Variants in ULK4 observed in about 807,000 individuals in gnomAD.
ULK4 encodes the protein unc-51 like kinase 4.
Under a neutral mutation model 160.6 loss-of-function variants are expected in ULK4, and 133 were observed. The observed-to-expected ratio is 0.83, with a 90% CI of 0.72 to 0.96. The LOEUF is 0.96. ULK4 is among the 40% of genes least tolerant of loss of function. The probability of loss-of-function intolerance (pLI) is 0.00; values close to 1 mark genes in which losing one functional copy is unlikely to be tolerated. For synonymous variants in ULK4, 534 were observed against 539.8 expected (o/e 0.99, Z 0.15); for missense variants, 1,580 against 1,499.5 (o/e 1.05, Z -0.89).
In ULK4 at chr3:41,946,070, T is replaced by C. The variant is rs997236764; in HGVS notation, c.139-7873A>G. 2.1e-4 allele frequency among the ~76,000 whole-genome samples: 32 copies of C among 152,294 alleles called. No individual in the cohort carries two copies. The East Asian group carries it at 6.0e-3, about 28-fold the overall frequency. On this transcript the variant is annotated intron_variant, in intron 2 of 36. Coordinates refer to ENST00000301831, the MANE Select transcript of ULK4 (RefSeq NM_017886.4). ...GGAAGGGCATCTAAACTACTGCTCATGTTATTTCTTGATTGTGTGCTGGTT... is the reference window on the plus strand; with the variant it reads ...GGAAGGGCATCTAAACTACTGCTCACGTTATTTCTTGATTGTGTGCTGGTT...
chr3:41,546,767 TAAA>T (rs1158675738), intron 32 of ULK4, among the ~76,000 whole-genome samples: 5 of 32,534 alleles, frequency 1.5e-4, no homozygotes, highest in Admixed American at 8.4e-4. Context: ...CCTAGGCCCT[TAAA>T]AAAAAAAAAA....
Position 41,580,065 on chromosome 3 carries a change from C to T in ULK4, c.3121-13935G>A, listed in dbSNP as rs527261752. Reference sequence around the variant, plus strand: ...CACCCACTCAAAGTACACAGAGTAACGGTGTCACAGCCTCTTTTGCATGTG... The same window carrying T: ...CACCCACTCAAAGTACACAGAGTAATGGTGTCACAGCCTCTTTTGCATGTG... On this transcript the variant is annotated intron_variant, in intron 31 of 36. Transcript: ENST00000301831. Among the ~76,000 whole-genome samples, 6 of 152,158 alleles carry T rather than the reference C, an allele frequency of 3.9e-5. No individual in the cohort carries two copies. In the East Asian group the frequency reaches 7.7e-4, roughly 20 times the overall value.
intron 17 of ULK4, among the ~76,000 whole-genome samples, chr3:41,875,043 G>A (rs1697249079): frequency 6.6e-6 from 1 of 152,110 alleles, no homozygotes; most frequent in African/African-American, 2.4e-5. Flanking sequence ...AGTCAGGCAT[G>A]GTGATGTGTA....
chr3:41,705,559 C>T (rs967579619), intron 25 of ULK4, among the ~76,000 whole-genome samples: 3 of 151,892 alleles, frequency 2.0e-5, no homozygotes, highest in Non-Finnish European at 2.9e-5. Flanking sequence ...TGCAGTGGCC[C>T]GATCTCGGCT....
intron 20 of ULK4, among the ~76,000 whole-genome samples, chr3:41,794,882 T>C (rs2040259278): frequency 6.6e-6 from 1 of 151,326 alleles, no homozygotes; most frequent in Admixed American, 6.6e-5. Flanking sequence ...GGAGGAAAGG[T>C]CCTGAGGCAG....
chr3:41,892,052 T>C (rs1044219539), intron 16 of ULK4, among the ~76,000 whole-genome samples: 7 of 152,210 alleles, frequency 4.6e-5, no homozygotes, highest in African/African-American at 4.8e-5. Context: ...AAAACTCTTA[T>C]TTGAAAAATA....
intron 30 of ULK4, among the ~76,000 whole-genome samples, chr3:41,622,252 A>G (rs962695070): frequency 1.3e-5 from 2 of 151,498 alleles, no homozygotes; most frequent in Non-Finnish European, 3.0e-5. Flanking sequence ...CCATTTGGGT[A>G]TATACCCAAA....
In ULK4 at chr3:41,259,120, A is replaced by G. The variant is rs569376802; in HGVS notation, c.3679-9546T>C. 3.2e-3 allele frequency among the ~76,000 whole-genome samples: 482 copies of G among 150,344 alleles called. 3 individuals are homozygous for G. The highest frequency in any genetic ancestry group is 0.011 in the African/African-American group (451 of 41,004). On this transcript the variant is annotated intron_variant, in intron 35 of 36. Transcript: ENST00000301831. ...TATATGTATATGTATATATGTGTAT[A>G]TATATATATATAAAATCAGATAACA...
chr3:41,668,654 T>C (rs1011260034), intron 29 of ULK4, among the ~76,000 whole-genome samples: 2 of 152,112 alleles, frequency 1.3e-5, no homozygotes, highest in South Asian at 2.1e-4. Context: ...CACATGACTA[T>C]AAATCAAAAG....
intron 32 of ULK4, among the ~76,000 whole-genome samples, chr3:41,553,624 T>C (rs572784825): frequency 1.3e-5 from 2 of 152,150 alleles, no homozygotes; most frequent in South Asian, 4.1e-4. Context: ...AAGAGGGAAC[T>C]CTTATACACT....
At chr3:41,884,897 TAA>T (rs1697666044) in intron 16 of ULK4, among the ~76,000 whole-genome samples, 1 of 152,198 alleles carries the variant, frequency 6.6e-6, no homozygotes, top group Admixed American at 6.5e-5. Flanking sequence ...CACCTGTGAA[TAA>T]AAAGATTATA....
At chr3:41,364,668 TAGAA>T (rs1458233571) in intron 35 of ULK4, among the ~76,000 whole-genome samples, 3 of 152,082 alleles carry the variant, frequency 2.0e-5, no homozygotes, top group African/African-American at 4.8e-5. Context: ...ATTAAAGAAA[TAGAA>T]AGATTTTCCC....
intron 30 of ULK4, among the ~76,000 whole-genome samples, chr3:41,621,893 CA>C (rs1292854871): frequency 6.6e-6 from 1 of 152,008 alleles, no homozygotes; most frequent in African/African-American, 2.4e-5. Context: ...CCAGAATCTA[CA>C]AAGAACTTAA....
chr3:41,691,487 C>T (rs976771405), intron 27 of ULK4, among the ~76,000 whole-genome samples: 6 of 151,800 alleles, frequency 4.0e-5, no homozygotes, highest in Admixed American at 3.3e-4. Context: ...CCTATGCCCC[C>T]GAGTCAAATT....
At chr3:41,596,268 C>A (rs1053672167) in intron 31 of ULK4, among the ~76,000 whole-genome samples, 4 of 152,170 alleles carry the variant, frequency 2.6e-5, no homozygotes, top group African/African-American at 9.7e-5. Context: ...GCATGAATTT[C>A]CAGCTGAGAT....
chr3:41,346,174 C>CTTTA (rs138715396), intron 35 of ULK4, among the ~76,000 whole-genome samples: 2,092 of 152,174 alleles, frequency 0.014, 58 homozygotes, highest in African/African-American at 0.047. Flanking sequence ...TTAAGCAGGG[C>CTTTA]AGTATGGAGC....
Position 41,333,735 on chromosome 3 carries a change from C to T in ULK4, c.3678+64344G>A, listed in dbSNP as rs547562214. 5.3e-5 allele frequency among the ~76,000 whole-genome samples: 8 copies of T among 152,228 alleles called. No individual in the cohort carries two copies. In the South Asian group the frequency reaches 6.2e-4, roughly 12 times the overall value. On this transcript the variant is annotated intron_variant, in intron 35 of 36. Coordinates refer to ENST00000301831, the MANE Select transcript of ULK4 (RefSeq NM_017886.4). The stretch of plus-strand genomic sequence containing the variant: ...TATATAGACAGGGCTGGGATGCTGG[C>T]TGTTCGGGATAGAAACAGTAGAAAA...
At chr3:41,897,985 A>G (rs753667806) in intron 14 of ULK4, among the ~76,000 whole-genome samples, 1 of 152,208 alleles carries the variant, frequency 6.6e-6, no homozygotes, top group Non-Finnish European at 1.5e-5. Flanking sequence ...TCCCTTAAGT[A>G]TCTCCACTCC....
intron 33 of ULK4, among the ~76,000 whole-genome samples, chr3:41,460,832 C>T (rs2083665708): frequency 6.6e-6 from 1 of 152,142 alleles, no homozygotes; most frequent in Non-Finnish European, 1.5e-5. Context: ...TGAAGTCTCA[C>T]AACCACCCCG....
Sources: allele counts gnomAD v4.1 joint callset (sites outside exome capture counted in the v4.1 genomes callset), GRCh38; gene constraint gnomAD v4.1.1; transcripts MANE v1.5; gene names NCBI Gene and HGNC (gene_info 2026-07-23, HGNC 2026-07-21).